The following TIMM9 variants were observed in gnomAD, a reference collection of about 807,000 sequenced individuals.
The protein encoded by TIMM9 is mitochondrial import inner membrane translocase subunit Tim9.
Under a neutral mutation model 13.4 loss-of-function variants are expected in TIMM9, and 10 were observed. The observed-to-expected ratio is 0.75, with a 90% CI of 0.46 to 1.26. The LOEUF is 1.26. Ranked by LOEUF, TIMM9 falls within the 50% of genes most tolerant of loss-of-function variation. The pLI is 0.00. For synonymous variants in TIMM9, 32 were observed against 32.1 expected (o/e 1.00, Z 0.01); for missense variants, 87 against 100.8 (o/e 0.86, Z 0.58).
chr14:58,418,451 T>C lies in TIMM9; in HGVS notation c.-27+5557A>G, dbSNP rs1196042862. ...TTATCTAACATACTGCTGAAAGTTC[T>C]ACCCAGTGCAGTGAAGCAAGAAAAG... On this transcript the variant is annotated intron_variant, in intron 3 of 5. Transcript: ENST00000395159. 2.6e-5 allele frequency among the ~76,000 whole-genome samples: 4 copies of C among 152,202 alleles called. No homozygotes were observed. The East Asian group carries it at 7.7e-4, about 29-fold the overall frequency.
In TIMM9 at chr14:58,421,607, G is replaced by A. The variant is rs2036590074; in HGVS notation, c.-27+2401C>T. 2.6e-5 allele frequency among the ~76,000 whole-genome samples: 4 copies of A among 152,132 alleles called. No individual in the cohort carries two copies. The South Asian group carries it at 8.3e-4, about 32-fold the overall frequency. On this transcript the variant is annotated intron_variant, in intron 3 of 5. Coordinates refer to ENST00000395159, the MANE Select transcript of TIMM9 (RefSeq NM_012460.4). The stretch of plus-strand genomic sequence containing the variant: ...AATAATAAAGAAAAAAAATGTTATT[G>A]TATAACTTTCTGGTACCTGCCAAAG...
intron 3 of TIMM9, among the ~76,000 whole-genome samples, chr14:58,417,801 G>A (rs1018254241): frequency 6.6e-6 from 1 of 152,056 alleles, no homozygotes; most frequent in Non-Finnish European, 1.5e-5. Context: ...AAAAAAGAAA[G>A]AGCTAGTTCT....
At chr14:58,426,173 TA>T (rs1298609960) in intron 2 of TIMM9, among the ~76,000 whole-genome samples, 7 of 151,910 alleles carry the variant, frequency 4.6e-5, no homozygotes, top group South Asian at 2.1e-4. Flanking sequence ...AAATAATAAT[TA>T]AAAGGGTCTT....
At chr14:58,419,798 C>A (rs1218383486) in intron 3 of TIMM9, among the ~76,000 whole-genome samples, 1 of 152,052 alleles carries the variant, frequency 6.6e-6, no homozygotes, top group African/African-American at 2.4e-5. Context: ...TACCTGTAGT[C>A]CCAGCTACTC....
At position 58,408,616 on chromosome 14, in the gene TIMM9, A is replaced by C; in HGVS notation, c.*418T>G. ...TCAACGTATCCACAGTCCAGTGAGA[A>C]TACTATGGTACCATACAGTATAAAC... On this transcript the variant is annotated 3_prime_UTR_variant, in exon 6 of 6. Coordinates refer to ENST00000395159, the MANE Select transcript of TIMM9 (RefSeq NM_012460.4). 1 of 1,594,496 alleles carries C rather than the reference A, an allele frequency of 6.3e-7. No homozygotes were observed. The highest frequency in any genetic ancestry group is 1.1e-5 in the South Asian group (1 of 90,226).
In TIMM9 at chr14:58,412,901, A is replaced by AAAT. The variant is rs1010906134; in HGVS notation, c.-26-933_-26-931dup. Among the ~76,000 whole-genome samples the AAAT allele has an allele frequency of 3.3e-5, 5 of 151,988 alleles. No individual in the cohort carries two copies. In the East Asian group the frequency reaches 5.8e-4, roughly 18 times the overall value. On this transcript the variant is annotated intron_variant, in intron 3 of 5. Coordinates refer to ENST00000395159, the MANE Select transcript of TIMM9 (RefSeq NM_012460.4). The stretch of plus-strand genomic sequence containing the variant: ...GGGTGACAAAGTGAGACTCCATCTC[A>AAAT]AATAATAATAATAATAATGATAATA...
At chr14:58,422,130 TTG>T (rs2036605700) in intron 3 of TIMM9, among the ~76,000 whole-genome samples, 1 of 151,846 alleles carries the variant, frequency 6.6e-6, no homozygotes. Context: ...TTTTTTTTTT[TTG>T]AGACGGAGTT....
chr14:58,416,996 T>C (rs2036430928), intron 3 of TIMM9, among the ~76,000 whole-genome samples: 1 of 151,996 alleles, frequency 6.6e-6, no homozygotes, highest in Non-Finnish European at 1.5e-5. Flanking sequence ...TGGTGGGAGG[T>C]AATTGAATCA....
Position 58,409,021 on chromosome 14 carries a change from C to T in TIMM9, c.*13G>A. 2 of 1,605,270 alleles carry T rather than the reference C, an allele frequency of 1.2e-6. No individual in the cohort carries two copies. The highest frequency in any genetic ancestry group is 1.7e-6 in the Non-Finnish European group (2 of 1,178,254). On this transcript the variant is annotated 3_prime_UTR_variant, in exon 6 of 6. Transcript: ENST00000395159. The stretch of plus-strand genomic sequence containing the variant: ...GGCAATCTTTCATCAAAAGTTCATC[C>T]ATCAGGACTTCTCTATCGTGGTTGG...
In TIMM9 at chr14:58,421,934, C is replaced by A. The variant is rs190311549; in HGVS notation, c.-27+2074G>T. Reference sequence around the variant, plus strand: ...CACTCACTGCACCTCAGGAGGACACCCAGCAAACTGGACTTTCTACAGTTC... The same window carrying A: ...CACTCACTGCACCTCAGGAGGACACACAGCAAACTGGACTTTCTACAGTTC... On this transcript the variant is annotated intron_variant, in intron 3 of 5. Transcript: ENST00000395159. Among the ~76,000 whole-genome samples, 4 of 151,966 alleles carry A rather than the reference C, an allele frequency of 2.6e-5. No individual in the cohort carries two copies. The East Asian group carries it at 7.7e-4, about 29-fold the overall frequency.
At position 58,419,451 on chromosome 14, in the gene TIMM9, TCACACACACACACACACACA is replaced by T. The variant is rs67147520; in HGVS notation, c.-27+4537_-27+4556del. On this transcript the variant is annotated intron_variant, in intron 3 of 5. Transcript: ENST00000395159. ...GTCTGGAAAATAGAGTGAGACCCCG[TCACACACACACACACACACA>T]CACACACACACACACACACACACAC... Among the ~76,000 whole-genome samples the T allele has an allele frequency of 6.6e-4, 74 of 112,926 alleles. 1 individual carries two copies. Among genetic ancestry groups the T allele is most frequent in the East Asian group, 1.5e-3 (6 of 3,950 alleles). 74.1% of individuals were successfully genotyped at this position (112,926 alleles called of 152,430 possible).
rs911289867 is a variant in TIMM9, at chr14:58,424,071, G to A, written c.-90C>T. The A allele has an allele frequency of 3.9e-5, 6 of 152,264 alleles. No homozygotes were observed. The highest frequency in any genetic ancestry group is 1.4e-4 in the African/African-American group (6 of 41,568). The allele number at this position is 152,264 out of a possible 1,614,324, so 9.4% of individuals were successfully genotyped here. On this transcript the variant is annotated 5_prime_UTR_variant, in exon 3 of 6. Transcript: ENST00000395159. ...GTAGTTGTCCAACCTTTGCTTGAAT[G>A]TCTCCAATAAGGCCTGATTCTTACC...
At chr14:58,411,423 G>C (rs1488607104) in intron 4 of TIMM9, among the ~76,000 whole-genome samples, 1 of 151,612 alleles carries the variant, frequency 6.6e-6, no homozygotes. Context: ...ACTCCAGCCT[G>C]GCCGACAAAG....
intron 3 of TIMM9, among the ~76,000 whole-genome samples, chr14:58,420,621 C>T (rs2036560150): frequency 6.6e-6 from 1 of 151,844 alleles, no homozygotes; most frequent in Admixed American, 6.6e-5. Context: ...GGTGAAACCC[C>T]ATCTCTACTA....
intron 3 of TIMM9, among the ~76,000 whole-genome samples, chr14:58,417,240 A>G (rs2036440850): frequency 6.6e-6 from 1 of 152,046 alleles, no homozygotes; most frequent in African/African-American, 2.4e-5. Context: ...AGTCTAGGGT[A>G]TGTCTTTACC....
At chr14:58,422,413 G>T (rs1404000116) in intron 3 of TIMM9, among the ~76,000 whole-genome samples, 1 of 152,190 alleles carries the variant, frequency 6.6e-6, no homozygotes, top group African/African-American at 2.4e-5. Flanking sequence ...ACTGTGCCCA[G>T]TCGAAAGTAT....
chr14:58,413,414 G>A (rs1308960700), intron 3 of TIMM9, among the ~76,000 whole-genome samples: 1 of 152,184 alleles, frequency 6.6e-6, no homozygotes, highest in East Asian at 1.9e-4. Flanking sequence ...CAACCCTCAT[G>A]AAGGATATTC....
At chr14:58,423,192 A>T (rs879727114) in intron 3 of TIMM9, among the ~76,000 whole-genome samples, 46 of 152,090 alleles carry the variant, frequency 3.0e-4, no homozygotes, top group Non-Finnish European at 6.6e-4. Context: ...AAATCTCTAA[A>T]GCTATCCTCG....
At chr14:58,425,896 A>C (rs1389313026) in intron 2 of TIMM9, among the ~76,000 whole-genome samples, 5 of 152,074 alleles carry the variant, frequency 3.3e-5, no homozygotes. Context: ...AGGCGGGTGA[A>C]TCAAGTCAGG....
Sources: allele counts gnomAD v4.1 joint callset (sites outside exome capture counted in the v4.1 genomes callset), GRCh38; gene constraint gnomAD v4.1.1; transcripts MANE v1.5; gene names NCBI Gene and HGNC (gene_info 2026-07-23, HGNC 2026-07-21).